The following DPP6 variants were observed in gnomAD, a reference collection of about 807,000 sequenced individuals.
DPP6 encodes the protein A-type potassium channel modulatory protein DPP6.
DPP6 carries 69 observed loss-of-function variants against 122.6 expected under a neutral mutation model. That is an observed-to-expected ratio of 0.56 (90% CI 0.46 to 0.69). The LOEUF (loss-of-function observed/expected upper bound fraction) is 0.69. Ranked by LOEUF, DPP6 falls within the 30% of genes least tolerant of loss-of-function variation. DPP6 has a pLI of 0.00. For missense variants in DPP6, 928 were observed against 1,116.9 expected, an observed-to-expected ratio of 0.83 and a Z score of 2.41; for synonymous variants, 418 against 433.1, an observed-to-expected ratio of 0.97 and a Z score of 0.43.
intron 3 of DPP6, among the ~76,000 whole-genome samples, chr7:154,535,699 T>A (rs1166558810): frequency 2.0e-5 from 3 of 147,394 alleles, no homozygotes; most frequent in Admixed American, 6.7e-5. Flanking sequence ...AAAAAAAAAA[T>A]TAAAAGTGGA....
At chr7:154,223,821 T>C (rs1214222767) in intron 1 of DPP6, among the ~76,000 whole-genome samples, 1 of 148,732 alleles carries the variant, frequency 6.7e-6, no homozygotes, top group Non-Finnish European at 1.5e-5. Context: ...GAAAATCCTC[T>C]TCTCTTCAGA....
intron 1 of DPP6, among the ~76,000 whole-genome samples, chr7:154,055,203 T>C (rs1800717563): frequency 1.4e-5 from 2 of 145,392 alleles, no homozygotes; most frequent in Non-Finnish European, 3.0e-5. Flanking sequence ...GCCCATTATC[T>C]GCACATATAT....
intron 16 of DPP6, among the ~76,000 whole-genome samples, chr7:154,818,564 G>A (rs1034025080): frequency 2.0e-5 from 3 of 152,124 alleles, no homozygotes; most frequent in African/African-American, 7.2e-5. Context: ...TGTCTTATTA[G>A]CCTCAAACAT....
chr7:153,802,795 G>T, the DPP6 span, among the ~76,000 whole-genome samples: 1 of 152,194 alleles, frequency 6.6e-6, no homozygotes, highest in African/African-American at 2.4e-5. Flanking sequence ...AACTTGGAAA[G>T]AAGCATGTTT....
intron 6 of DPP6, among the ~76,000 whole-genome samples, chr7:154,660,614 A>G (rs9642634): frequency 0.53 from 59,115 of 111,610 alleles, 18,679 homozygotes; most frequent in East Asian, 0.65. Flanking sequence ...TCACCATGGC[A>G]TATTGGCCGT....
At chr7:154,414,263 C>T (rs1193590748) in intron 1 of DPP6, among the ~76,000 whole-genome samples, 1 of 152,220 alleles carries the variant, frequency 6.6e-6, no homozygotes, top group African/African-American at 2.4e-5. Context: ...AAGAGCCTGT[C>T]TAGCACAAAG....
At chr7:154,681,444 A>G (rs1030114332) in intron 7 of DPP6, among the ~76,000 whole-genome samples, 6 of 152,258 alleles carry the variant, frequency 3.9e-5, no homozygotes, top group Non-Finnish European at 5.9e-5. Flanking sequence ...ATAACAAGGC[A>G]GTTAGTTATA....
chr7:153,813,964 C>T, the DPP6 span, among the ~76,000 whole-genome samples: 3 of 152,068 alleles, frequency 2.0e-5, no homozygotes, highest in Admixed American at 2.0e-4. Context: ...TTCTCCCATT[C>T]TGTAGGTTGC....
At chr7:154,553,709 C>T (rs139717878) in intron 4 of DPP6, among the ~76,000 whole-genome samples, 1 of 152,198 alleles carries the variant, frequency 6.6e-6, no homozygotes, top group African/African-American at 2.4e-5. Flanking sequence ...CCAGCTGTAG[C>T]CTTGGTCGCT....
the DPP6 span, among the ~76,000 whole-genome samples, chr7:153,864,394 C>T: frequency 6.6e-6 from 1 of 152,046 alleles, no homozygotes; most frequent in African/African-American, 2.4e-5. Context: ...GTGGCTCACA[C>T]TTCTAATCCC....
intron 1 of DPP6, among the ~76,000 whole-genome samples, chr7:154,044,020 G>A (rs570291557): frequency 1.9e-4 from 28 of 149,972 alleles, no homozygotes; most frequent in Admixed American, 5.3e-4. Context: ...GCACAAATTC[G>A]GGGCACAAAC....
chr7:153,861,942 T>G, the DPP6 span, among the ~76,000 whole-genome samples: 1 of 152,324 alleles, frequency 6.6e-6, no homozygotes, highest in Non-Finnish European at 1.5e-5. Context: ...CGATGATGGC[T>G]CTAATGATTG....
intron 1 of DPP6, among the ~76,000 whole-genome samples, chr7:154,072,712 A>C (rs193242255): frequency 1.3e-5 from 2 of 152,382 alleles, no homozygotes; most frequent in Admixed American, 1.3e-4. Flanking sequence ...GATGGAAATA[A>C]AAATAGCCTG....
chr7:154,812,452 G>A (rs1225301625), intron 16 of DPP6, among the ~76,000 whole-genome samples: 1 of 152,110 alleles, frequency 6.6e-6, no homozygotes, highest in East Asian at 1.9e-4. Context: ...TCACAGTTCT[G>A]GAAGCTGGAA....
chr7:153,824,744 T>A, the DPP6 span, among the ~76,000 whole-genome samples: 2 of 152,104 alleles, frequency 1.3e-5, no homozygotes, highest in East Asian at 3.8e-4. Flanking sequence ...TCCTCCTTGG[T>A]GGCTGGGAAG....
chr7:153,929,658 A>C (rs4141105), intron 1 of DPP6, among the ~76,000 whole-genome samples: 1 of 151,922 alleles, frequency 6.6e-6, no homozygotes, highest in Non-Finnish European at 1.5e-5. Flanking sequence ...GACCCAGGGC[A>C]CTTTCCCACC....
chr7:154,078,216 T>C (rs1377388868), intron 1 of DPP6, among the ~76,000 whole-genome samples: 1 of 152,166 alleles, frequency 6.6e-6, no homozygotes, highest in Non-Finnish European at 1.5e-5. Flanking sequence ...TCATCTGCTT[T>C]CATTGAATCC....
intron 5 of DPP6, among the ~76,000 whole-genome samples, chr7:154,610,940 T>C (rs1833877781): frequency 6.6e-6 from 1 of 152,184 alleles, no homozygotes; most frequent in East Asian, 1.9e-4. Context: ...TGTAAGACAT[T>C]GACACTGAAT....
Position 154,624,467 on chromosome 7 carries a change from ACT to A in DPP6, c.628-13351_628-13350del, listed in dbSNP as rs1160916055. ...TTCCAACCTGGGCAACAAGAGTGAA[ACT>A]CTGTCTCAACAAACAAACAAACAAA... On this transcript the variant is annotated intron_variant, in intron 5 of 25. Transcript: ENST00000377770. The surrounding 1 kb of genome is among the most constrained non-coding windows in gnomAD (Gnocchi z 4.7). 6.6e-6 allele frequency among the ~76,000 whole-genome samples: 1 copy of A among 152,198 alleles called. No individual in the cohort carries two copies.
Sources: gnomAD v4.1 joint callset for allele counts (sites outside exome capture counted in the v4.1 genomes callset) on GRCh38, gnomAD v4.1.1 for gene constraint, Gnocchi (gnomAD v3.1) non-coding constraint, MANE v1.5 for transcripts, NCBI Gene and HGNC (gene_info 2026-07-23, HGNC 2026-07-21) for gene names.